The following NDUFAF2 variants were observed in gnomAD, a reference collection of about 807,000 sequenced individuals.
The protein encoded by NDUFAF2 is NADH:ubiquinone oxidoreductase complex assembly factor 2, also known as NADH dehydrogenase [ubiquinone] 1 alpha subcomplex assembly factor 2.
A neutral mutation model predicts 22.8 loss-of-function variants in NDUFAF2; 13 were observed. The ratio of observed to expected loss-of-function variants is 0.57; its 90% CI spans 0.37 to 0.91. The LOEUF is 0.91. Ranked by LOEUF, NDUFAF2 falls within the 40% of genes least tolerant of loss-of-function variation. NDUFAF2 has a pLI of 0.01. For synonymous variants in NDUFAF2, 53 were observed against 64.2 expected, an observed-to-expected ratio of 0.83 and a Z score of 0.84; for missense variants, 162 against 195.2, an observed-to-expected ratio of 0.83 and a Z score of 1.01.
intron 1 of NDUFAF2, among the ~76,000 whole-genome samples, chr5:60,996,399 G>A (rs1195717587): frequency 2.0e-5 from 3 of 152,090 alleles, no homozygotes; most frequent in Non-Finnish European, 4.4e-5. Flanking sequence ...CTTGCCTTGG[G>A]TGAACTGATA....
chr5:61,040,301 C>T (rs1475377738), intron 1 of NDUFAF2, among the ~76,000 whole-genome samples: 1 of 146,052 alleles, frequency 6.8e-6, no homozygotes, highest in Non-Finnish European at 1.5e-5. Flanking sequence ...CGCGCGCGCG[C>T]GAAAGTTGAA....
chr5:60,978,123 T>C lies in NDUFAF2; in HGVS notation c.127+32741T>C, dbSNP rs1281012943. Among the ~76,000 whole-genome samples the C allele has an allele frequency of 2.0e-5, 3 of 152,090 alleles. No individual in the cohort carries two copies. The East Asian group carries it at 5.8e-4, about 29-fold the overall frequency. On this transcript the variant is annotated intron_variant, in intron 1 of 3. Transcript: ENST00000296597. ...GGATTATCAGACATTGCGTTAGAAC[T>C]CAGTGCCCTGTCACAGTGGAATGCA... is the stretch of plus-strand genomic sequence containing the variant.
At chr5:61,019,220 A>G (rs549405799) in intron 1 of NDUFAF2, among the ~76,000 whole-genome samples, 22 of 152,152 alleles carry the variant, frequency 1.4e-4, no homozygotes, top group Non-Finnish European at 4.4e-5. Flanking sequence ...AATTTTTTTC[A>G]CTTGTTTCTT....
intron 3 of NDUFAF2, among the ~76,000 whole-genome samples, chr5:61,136,316 C>T (rs926993542): frequency 6.6e-6 from 1 of 151,684 alleles, no homozygotes; most frequent in African/African-American, 2.4e-5. Context: ...TTGATTTGAC[C>T]ATACAACTTT....
intron 3 of NDUFAF2, among the ~76,000 whole-genome samples, chr5:61,149,339 TTATGAG>T (rs1034957140): frequency 1.3e-5 from 2 of 152,154 alleles, no homozygotes; most frequent in African/African-American, 4.8e-5. Flanking sequence ...CATAATACTG[TTATGAG>T]TATAAGCCCC....
rs964385116 is a variant in NDUFAF2, at chr5:61,041,923, C to T, written c.128-31202C>T. ...AATCCCCATTGCAGTCATGGGCAAA[C>T]CAGATGTGCTTCTTGAAGTCTGACA... is the stretch of plus-strand genomic sequence containing the variant. On this transcript the variant is annotated intron_variant, in intron 1 of 3. Coordinates refer to ENST00000296597, the MANE Select transcript of NDUFAF2 (RefSeq NM_174889.5). Among the ~76,000 whole-genome samples, 3 of 152,276 alleles carry T rather than the reference C, an allele frequency of 2.0e-5. No individual in the cohort carries two copies. In the East Asian group the frequency reaches 5.8e-4, roughly 29 times the overall value.
chr5:61,080,113 A>G (rs1336852262), intron 2 of NDUFAF2, among the ~76,000 whole-genome samples: 1 of 152,106 alleles, frequency 6.6e-6, no homozygotes, highest in Non-Finnish European at 1.5e-5. Flanking sequence ...ACTTGCATGA[A>G]TCAGTAAGTT....
intron 1 of NDUFAF2, among the ~76,000 whole-genome samples, chr5:61,015,120 G>A (rs1580095522): frequency 1.3e-5 from 2 of 152,160 alleles, no homozygotes; most frequent in Non-Finnish European, 2.9e-5. Flanking sequence ...TCGTTTTGAA[G>A]TAGGCATGCT....
At chr5:61,037,106 T>A (rs1258561634) in intron 1 of NDUFAF2, among the ~76,000 whole-genome samples, 2 of 152,162 alleles carry the variant, frequency 1.3e-5, no homozygotes, top group Non-Finnish European at 2.9e-5. Flanking sequence ...TGCTCTCTTG[T>A]GTGGGAGAAG....
intron 3 of NDUFAF2, among the ~76,000 whole-genome samples, chr5:61,123,293 G>C (rs1271661258): frequency 1.3e-5 from 2 of 152,216 alleles, no homozygotes; most frequent in African/African-American, 4.8e-5. Context: ...TTGATGACAG[G>C]TAGGTCATTT....
chr5:61,015,617 A>G (rs1751497661), intron 1 of NDUFAF2, among the ~76,000 whole-genome samples: 1 of 152,188 alleles, frequency 6.6e-6, no homozygotes, highest in Admixed American at 6.5e-5. Flanking sequence ...TATGAAAGTC[A>G]TGAAAACTTA....
At chr5:61,024,485 TAGTA>T in intron 1 of NDUFAF2, among the ~76,000 whole-genome samples, 1 of 152,186 alleles carries the variant, frequency 6.6e-6, no homozygotes, top group South Asian at 2.1e-4. Flanking sequence ...ATAATAATAA[TAGTA>T]ATAATAATAG....
chr5:60,973,821 T>C (rs1430890277), intron 1 of NDUFAF2, among the ~76,000 whole-genome samples: 2 of 152,208 alleles, frequency 1.3e-5, no homozygotes, highest in South Asian at 2.1e-4. Flanking sequence ...GGTTATTTTA[T>C]TGAGACAAGG....
At chr5:61,121,841 C>CTTTTTTTTTTTTTTTTTTTTTTTCT in intron 3 of NDUFAF2, among the ~76,000 whole-genome samples, 1 of 138,456 alleles carries the variant, frequency 7.2e-6, no homozygotes, top group Non-Finnish European at 1.6e-5. Context: ...TTTTTTTTTT[C>CTTTTTTTTTTTTTTTTTTTTTTTCT]TTTTTTTTTT....
At chr5:61,073,692 T>TG (rs1334046186) in intron 2 of NDUFAF2, among the ~76,000 whole-genome samples, 3 of 152,234 alleles carry the variant, frequency 2.0e-5, no homozygotes, top group Non-Finnish European at 2.9e-5. Flanking sequence ...GATAACTGAC[T>TG]GCCTGTTAAG....
chr5:61,137,469 GTGT>G (rs1376087300), intron 3 of NDUFAF2, among the ~76,000 whole-genome samples: 1 of 152,184 alleles, frequency 6.6e-6, no homozygotes, highest in East Asian at 1.9e-4. Flanking sequence ...AGTAAACTGG[GTGT>G]TGTTCTTATG....
At chr5:61,080,248 A>G (rs1752425493) in intron 2 of NDUFAF2, among the ~76,000 whole-genome samples, 2 of 152,238 alleles carry the variant, frequency 1.3e-5, no homozygotes, top group South Asian at 4.1e-4. Flanking sequence ...ATATTAATTC[A>G]TATACACATT....
intron 1 of NDUFAF2, among the ~76,000 whole-genome samples, chr5:61,040,045 G>A (rs1751851207): frequency 6.6e-6 from 1 of 151,972 alleles, no homozygotes; most frequent in Admixed American, 6.6e-5. Context: ...ACACAACCTG[G>A]CAAGTATTTT....
At chr5:61,130,348 T>C (rs1013687612) in intron 3 of NDUFAF2, among the ~76,000 whole-genome samples, 1 of 152,114 alleles carries the variant, frequency 6.6e-6, no homozygotes, top group African/African-American at 2.4e-5. Flanking sequence ...ATTTGTTGTA[T>C]GGCATGTAAT....
Sources: gnomAD v4.1 joint callset for allele counts (sites outside exome capture counted in the v4.1 genomes callset) on GRCh38, gnomAD v4.1.1 for gene constraint, MANE v1.5 for transcripts, NCBI Gene and HGNC (gene_info 2026-07-23, HGNC 2026-07-21) for gene names.